Variants in MEIOB observed in about 807,000 individuals in gnomAD.
MEIOB encodes meiosis-specific with OB domain-containing protein.
A neutral mutation model predicts 53.1 loss-of-function variants in MEIOB; 50 were observed. That is an observed-to-expected ratio of 0.94 (90% CI 0.75 to 1.19). The LOEUF is 1.19. Among genes scored for constraint, MEIOB ranks in the 50% most tolerant of loss-of-function variants. The probability of loss-of-function intolerance (pLI) is 0.00; values close to 1 mark genes in which losing one functional copy is unlikely to be tolerated. For synonymous variants in MEIOB, 192 were observed against 182.5 expected, an observed-to-expected ratio of 1.05 and a Z score of -0.42; for missense variants, 551 against 550.8, an observed-to-expected ratio of 1.00 and a Z score of 0.00.
intron 2 of MEIOB, among the ~76,000 whole-genome samples, chr16:1,867,143 A>G (rs1223132859): frequency 6.6e-6 from 1 of 152,210 alleles, no homozygotes; most frequent in Non-Finnish European, 1.5e-5. Flanking sequence ...TAAGAAATCT[A>G]GTTTGCAAAA....
intron 3 of MEIOB, among the ~76,000 whole-genome samples, chr16:1,865,558 T>C: frequency 6.6e-6 from 1 of 151,316 alleles, no homozygotes; most frequent in Non-Finnish European, 1.5e-5. Flanking sequence ...TATATACACA[T>C]ATGTGTGTAT....
At chr16:1,852,188 G>A (rs1424903695) in intron 9 of MEIOB, among the ~76,000 whole-genome samples, 7 of 149,298 alleles carry the variant, frequency 4.7e-5, no homozygotes, top group Admixed American at 4.7e-4. Flanking sequence ...TAGCATCCAA[G>A]CAATAAAATC....
chr16:1,839,700 C>T, intron 11 of MEIOB: 2 of 383,360 alleles, frequency 5.2e-6, no homozygotes, highest in Non-Finnish European at 4.7e-6. Context: ...CCTCGAGGTC[C>T]ATCCCAGTCT....
intron 9 of MEIOB, among the ~76,000 whole-genome samples, chr16:1,847,528 C>G (rs1306438591): frequency 6.7e-6 from 1 of 149,318 alleles, no homozygotes; most frequent in Non-Finnish European, 1.5e-5. Context: ...TGTAATCCTT[C>G]AGGAGGCTGA....
chr16:1,856,009 T>C (rs1358226578), intron 6 of MEIOB, among the ~76,000 whole-genome samples: 1 of 152,034 alleles, frequency 6.6e-6, no homozygotes, highest in African/African-American at 2.4e-5. Flanking sequence ...TTTATTTATT[T>C]ATCAACCCAG....
Position 1,839,267 on chromosome 16 carries a change from A to G in MEIOB, c.1206T>C (p.Thr402=). The G allele has an allele frequency of 1.2e-6, 2 of 1,607,052 alleles. No homozygotes were observed. The highest frequency in any genetic ancestry group is 1.7e-6 in the Non-Finnish European group (2 of 1,177,222). Residue 402 remains threonine, a synonymous_variant, in exon 12 of 14, where the codon ACT becomes ACC. Transcript: ENST00000325962. The part of the protein sequence containing the change: ...CSLTGSVAEE[T]LGCTVHEFLA... ...TTTTGCTATTTACCGTGCAGCCCAA[A>G]GTCTCCTCAGCAACACTTCCTGTGA...
chr16:1,854,482 A>G (rs1899251430), intron 6 of MEIOB, among the ~76,000 whole-genome samples: 1 of 152,236 alleles, frequency 6.6e-6, no homozygotes, highest in African/African-American at 2.4e-5. Flanking sequence ...AAGCTCCATG[A>G]CAGGCCCCTC....
At chr16:1,867,907 C>A (rs377709313) in intron 2 of MEIOB, among the ~76,000 whole-genome samples, 200 bp downstream of exon 2, 2 of 45,460 alleles carry the variant, frequency 4.4e-5, no homozygotes, top group African/African-American at 1.6e-4. Context: ...CTACTCTACA[C>A]ACAAAGATTA....
chr16:1,845,969 G>A (rs1436504806), intron 9 of MEIOB, among the ~76,000 whole-genome samples: 3 of 152,146 alleles, frequency 2.0e-5, no homozygotes, highest in African/African-American at 7.2e-5. Flanking sequence ...CTTGCTCCCA[G>A]AATACAAGTC....
intron 6 of MEIOB, among the ~76,000 whole-genome samples, chr16:1,854,552 C>G (rs1014327864): frequency 1.3e-5 from 2 of 152,330 alleles, no homozygotes; most frequent in Middle Eastern, 3.4e-3. Context: ...CTTTGTATCC[C>G]CATGGCTCAG....
At chr16:1,850,722 C>T (rs900874450) in intron 9 of MEIOB, among the ~76,000 whole-genome samples, 3 of 151,942 alleles carry the variant, frequency 2.0e-5, no homozygotes, top group Non-Finnish European at 4.4e-5. Context: ...AGATTGAGAC[C>T]ATCCTGGTTA....
chr16:1,855,392 A>T (rs539461636), intron 6 of MEIOB, among the ~76,000 whole-genome samples: 1 of 152,214 alleles, frequency 6.6e-6, no homozygotes, highest in Non-Finnish European at 1.5e-5. Flanking sequence ...AGATCACGCC[A>T]CTGCACTCTG....
intron 1 of MEIOB, 94 bp from the exon 2 acceptor site, chr16:1,868,278 C>A: frequency 3.0e-6 from 2 of 667,808 alleles, no homozygotes; most frequent in South Asian, 1.9e-5. Context: ...TATTTAGGGC[C>A]GGACATGGTG....
chr16:1,872,100 A>G lies in MEIOB; in HGVS notation c.-117T>C, dbSNP rs1399780922. 6.6e-6 allele frequency: 1 copy of G among 150,640 alleles called. No individual in the cohort carries two copies. The highest frequency in any genetic ancestry group is 1.5e-5 in the Non-Finnish European group (1 of 67,594). The allele number at this position is 150,640 out of a possible 1,614,324, so 9.3% of individuals were successfully genotyped here. ...GTCGCCCGCGCTTCGCGGCTTCTCC[A>G]CAGGACGCTCGGGCCACAGCCTCGT... On this transcript the variant is annotated 5_prime_UTR_variant, in exon 1 of 14. Transcript: ENST00000325962.
chr16:1,834,104 C>G lies in MEIOB; in HGVS notation c.*152G>C. ...GTCAGATGAGAGAGGCCTTCAGACT[C>G]ACCCAGACCACCTCCACCATAACAA... is the stretch of plus-strand genomic sequence containing the variant. On this transcript the variant is annotated 3_prime_UTR_variant, in exon 14 of 14. Coordinates refer to ENST00000325962, the MANE Select transcript of MEIOB (RefSeq NM_001163560.3). 1.7e-6 allele frequency: 1 copy of G among 572,822 alleles called. No individual in the cohort carries two copies. Among genetic ancestry groups the G allele is most frequent in the Non-Finnish European group, 3.1e-6 (1 of 322,954 alleles). The allele number at this position is 572,822 out of a possible 1,614,324, so 35.5% of individuals were successfully genotyped here. A position where few individuals can be genotyped will look rare whatever the true frequency, so the allele number is the denominator to read the frequency against.
In MEIOB at chr16:1,853,154, T is replaced by C. The variant is rs1899213354; in HGVS notation, c.683-20A>G. 1.9e-6 allele frequency: 3 copies of C among 1,591,690 alleles called. No individual in the cohort carries two copies. Among genetic ancestry groups the C allele is most frequent in the Admixed American group, 1.7e-5 (1 of 58,084 alleles). ...ATATTACTGTTTGGGAAAAAAGCCA[T>C]TTAAAATTATTACATGGGAGGATAT... On this transcript the variant is annotated intron_variant, in intron 8 of 13. Coordinates refer to ENST00000325962, the MANE Select transcript of MEIOB (RefSeq NM_001163560.3).
intron 13 of MEIOB, 117 bp from the exon 14 acceptor site, chr16:1,834,483 T>C (rs1030606936): frequency 2.5e-5 from 15 of 592,452 alleles, no homozygotes; most frequent in African/African-American, 2.5e-4. Flanking sequence ...TGTTTACAGA[T>C]ACTAATATAA....
intron 3 of MEIOB, among the ~76,000 whole-genome samples, chr16:1,863,494 C>G (rs1022179628): frequency 6.6e-6 from 1 of 151,688 alleles, no homozygotes; most frequent in African/African-American, 2.4e-5. Context: ...TCAAGCAATT[C>G]TCCTGCCTCA....
At chr16:1,839,807 T>C (rs1317635597) in intron 11 of MEIOB, 1 of 163,464 alleles carries the variant, frequency 6.1e-6, no homozygotes, top group Non-Finnish European at 1.3e-5. Flanking sequence ...TGACTGGTGC[T>C]GTTGCATCAG....
Sources: gnomAD v4.1 joint callset for allele counts (sites outside exome capture counted in the v4.1 genomes callset) on GRCh38, gnomAD v4.1.1 for gene constraint, MANE v1.5 for transcripts, NCBI Gene and HGNC (gene_info 2026-07-23, HGNC 2026-07-21) for gene names.